Variants in LARS2 observed in about 807,000 individuals in gnomAD.
The protein encoded by LARS2 is leucyl-tRNA synthetase 2, mitochondrial.
A neutral mutation model predicts 116.6 loss-of-function variants in LARS2; 81 were observed. The ratio of observed to expected loss-of-function variants is 0.69; its 90% CI spans 0.58 to 0.84. LARS2 has a LOEUF of 0.84. Among genes scored for constraint, LARS2 ranks in the 40% least tolerant of loss-of-function variants. The pLI, the probability that LARS2 is intolerant of heterozygous loss-of-function variation, is 0.00. For missense variants in LARS2, 968 were observed against 1,114.5 expected (o/e 0.87, Z 1.87); for synonymous variants, 396 against 407.2 (o/e 0.97, Z 0.33).
At chr3:45,444,738 C>A (rs955387150) in intron 6 of LARS2, among the ~76,000 whole-genome samples, 1 of 147,860 alleles carries the variant, frequency 6.8e-6, no homozygotes, top group African/African-American at 2.5e-5. Flanking sequence ...GAAGCAGATT[C>A]ATCGGCTTAG....
chr3:45,404,745 G>A (rs1044063264), intron 4 of LARS2, among the ~76,000 whole-genome samples: 1 of 152,066 alleles, frequency 6.6e-6, no homozygotes, highest in African/African-American at 2.4e-5. Flanking sequence ...ACAAGTACAC[G>A]CCACCACACC....
chr3:45,503,410 A>G lies in LARS2; in HGVS notation c.1760+2831A>G, dbSNP rs568179831. 7.2e-5 allele frequency among the ~76,000 whole-genome samples: 11 copies of G among 152,148 alleles called. No individual in the cohort carries two copies. The South Asian group carries it at 1.9e-3, about 26-fold the overall frequency. On this transcript the variant is annotated intron_variant, in intron 15 of 21. Transcript: ENST00000645846. ...TTTGAGATCTTCTTCTAGACTCCCA[A>G]GGTTGCTTAGGCTTTAGGTTTGGTG...
chr3:45,542,607 A>T (rs919137040), intron 21 of LARS2, among the ~76,000 whole-genome samples: 1 of 152,162 alleles, frequency 6.6e-6, no homozygotes, highest in Admixed American at 6.5e-5. Context: ...TTGGAACCAC[A>T]TGTCTCCCCG....
rs573072854 is a variant in LARS2, at chr3:45,529,173, A to G, written c.2404+5065A>G. The stretch of plus-strand genomic sequence containing the variant: ...TGTGAGTCACCGCGCCCGGCCTACA[A>G]CATCATTTTTAATGGTCATACAGTT... On this transcript the variant is annotated intron_variant, in intron 20 of 21. Transcript: ENST00000645846. 2.1e-4 allele frequency among the ~76,000 whole-genome samples: 32 copies of G among 152,238 alleles called. No homozygotes were observed. In the East Asian group the frequency reaches 6.0e-3, roughly 28 times the overall value.
In LARS2 at chr3:45,505,725, G is replaced by A. The variant is rs536288523; in HGVS notation, c.1760+5146G>A. Among the ~76,000 whole-genome samples, 70 of 151,994 alleles carry A rather than the reference G, an allele frequency of 4.6e-4. 1 individual carries two copies. Among genetic ancestry groups the A allele is most frequent in the African/African-American group, 1.6e-3 (67 of 41,508 alleles). On this transcript the variant is annotated intron_variant, in intron 15 of 21. Coordinates refer to ENST00000645846, the MANE Select transcript of LARS2 (RefSeq NM_015340.4). ...TGGGGGAATAGCTCCTTCTTATGTA[G>A]GTCTGGAAACAAAGACCATATGTAA...
intron 15 of LARS2, among the ~76,000 whole-genome samples, chr3:45,508,847 TCCTC>T (rs1700237037): frequency 6.6e-6 from 1 of 151,546 alleles, no homozygotes; most frequent in Admixed American, 6.6e-5. Context: ...TTCCCTCCCT[TCCTC>T]CCTCTCCTCC....
At chr3:45,483,626 G>T (rs1485925837) in intron 10 of LARS2, among the ~76,000 whole-genome samples, 1 of 152,106 alleles carries the variant, frequency 6.6e-6, no homozygotes, top group Admixed American at 6.6e-5. Context: ...TCTAGCCTGG[G>T]TGACAGAGTG....
chr3:45,513,171 C>CA lies in LARS2; in HGVS notation c.1799dup (p.Gln602AlafsTer41), dbSNP rs765603668. 3 of 1,613,824 alleles carry CA rather than the reference C, an allele frequency of 1.9e-6. No individual in the cohort carries two copies. Among genetic ancestry groups the CA allele is most frequent in the Non-Finnish European group, 1.7e-6 (2 of 1,179,698 alleles). ...ATAAGCTGCTGGCCCAAGGCCTTAT[C>CA]AAGGGGCAGACATTCCGCCTACCAT... On this transcript the variant is annotated frameshift_variant, in exon 16 of 22. Transcript: ENST00000645846. LOFTEE classifies it high-confidence loss of function.
chr3:45,436,312 A>C (rs1050252793), intron 6 of LARS2, among the ~76,000 whole-genome samples: 1 of 152,056 alleles, frequency 6.6e-6, no homozygotes, highest in Admixed American at 6.5e-5. Context: ...GAAATTTTAA[A>C]GGATGTTGTA....
At chr3:45,421,710 C>G (rs950263859) in intron 6 of LARS2, 2 of 152,222 alleles carry the variant, frequency 1.3e-5, no homozygotes, top group South Asian at 2.1e-4. Flanking sequence ...CCTGGACTTA[C>G]AAGGGGGTTA....
In LARS2 at chr3:45,443,629, A is replaced by G. The variant is rs369972690; in HGVS notation, c.517-3262A>G. On this transcript the variant is annotated intron_variant, in intron 6 of 21. Transcript: ENST00000645846. ...AGGAGCACAGTGTCTTCCTCAGGGC[A>G]CTCCCAGCCTCCTCTGGGCAGGTGA... 1.0e-3 allele frequency among the ~76,000 whole-genome samples: 158 copies of G among 151,926 alleles called. 1 individual carries two copies. Among genetic ancestry groups the G allele is most frequent in the African/African-American group, 2.8e-3 (117 of 41,406 alleles).
intron 20 of LARS2, among the ~76,000 whole-genome samples, chr3:45,541,298 C>T (rs368159094): frequency 2.0e-5 from 3 of 152,106 alleles, no homozygotes; most frequent in African/African-American, 4.8e-5. Flanking sequence ...TTCCACTAAA[C>T]GGAGGGCTCC....
In LARS2 at chr3:45,517,984, G is replaced by T. The variant is rs776153395; in HGVS notation, c.2126G>T (p.Gly709Val). 1 of 1,613,984 alleles carries T rather than the reference G, an allele frequency of 6.2e-7. No individual in the cohort carries two copies. The highest frequency in any genetic ancestry group is 1.1e-5 in the South Asian group (1 of 91,074). The change falls in exon 18 of 22, where the codon GGG (glycine) becomes GTG (valine). Residue 709 changes from glycine to valine, a missense_variant. Transcript: ENST00000645846. The part of the protein sequence containing the change: ...TTRFIEARAS[G>V]KSPQPQLLSN... ...CGGTTTATTGAGGCCAGGGCTTCTG[G>T]GAAGTCTCCCCAGCCTCAGCTGCTG...
At chr3:45,527,623 CAAA>C (rs560212104) in intron 20 of LARS2, among the ~76,000 whole-genome samples, 2 of 121,410 alleles carry the variant, frequency 1.6e-5, no homozygotes, top group African/African-American at 3.1e-5. Context: ...GACTCCGTCT[CAAA>C]AAAAAAAAAA....
At chr3:45,474,209 C>T in intron 8 of LARS2, 34 bp from the exon 9 acceptor site, 1 of 1,366,714 alleles carries the variant, frequency 7.3e-7, no homozygotes. Context: ...AAGCCTTGTG[C>T]CTCTACTTCT....
At chr3:45,451,309 T>C (rs1304590871) in intron 7 of LARS2, among the ~76,000 whole-genome samples, 4 of 152,160 alleles carry the variant, frequency 2.6e-5, no homozygotes, top group Non-Finnish European at 5.9e-5. Context: ...TTCCCTAATG[T>C]TTTATTCTAC....
intron 4 of LARS2, among the ~76,000 whole-genome samples, chr3:45,405,488 T>C (rs1000475762): frequency 6.6e-6 from 1 of 152,236 alleles, no homozygotes; most frequent in Non-Finnish European, 1.5e-5. Context: ...TGTGCATATA[T>C]AGCCCAGAAT....
rs754823324 is a variant in LARS2 at position 45,491,565 on chromosome 3, G to C, written c.1288G>C (p.Ala430Pro). The C allele has an allele frequency of 6.2e-7, 1 of 1,614,208 alleles. No individual in the cohort carries two copies. Among genetic ancestry groups the C allele is most frequent in the South Asian group, 1.1e-5 (1 of 91,084 alleles). Residue 430 changes from alanine (A) to proline (P), a missense_variant, in exon 13 of 22, where the codon GCC becomes CCC. Ala to Pro is a conservative substitution (Grantham distance 27, BLOSUM62 -1). Coordinates refer to ENST00000645846, the MANE Select transcript of LARS2 (RefSeq NM_015340.4). ...QDAFLALTQK[A>P]RGKRVGGDVT... ...TGCTTTTCTAGCCCTGACTCAGAAA[G>C]CCCGGGGGAAGAGAGTGGGTGGAGA...
In LARS2 at chr3:45,400,954, C is replaced by T. The variant is rs1698136893; in HGVS notation, c.363+581C>T. ...TCAGCCTCCCGAGTAGCTGGGACTA[C>T]AGGTGCCCACCACCACGCCTGGCTA... On this transcript the variant is annotated intron_variant, in intron 4 of 21. Transcript: ENST00000645846. 2.0e-5 allele frequency among the ~76,000 whole-genome samples: 3 copies of T among 151,940 alleles called. No homozygotes were observed. The South Asian group carries it at 6.2e-4, about 32-fold the overall frequency.
Sources: allele counts gnomAD v4.1 joint callset (sites outside exome capture counted in the v4.1 genomes callset), GRCh38; gene constraint gnomAD v4.1.1; transcripts MANE v1.5; gene names NCBI Gene and HGNC (gene_info 2026-07-23, HGNC 2026-07-21).